The following RASAL2 variants were observed in gnomAD, a reference collection of about 807,000 sequenced individuals.
The protein encoded by RASAL2 is RAS protein activator like 2.
Under a neutral mutation model 128.9 loss-of-function variants are expected in RASAL2, and 58 were observed. The ratio of observed to expected loss-of-function variants is 0.45; its 90% confidence interval spans 0.36 to 0.56. The LOEUF is 0.56. Ranked by LOEUF, RASAL2 falls within the 20% of genes least tolerant of loss-of-function variation. The pLI is 0.00. For missense variants in RASAL2, 1,360 were observed against 1,601.6 expected, an observed-to-expected ratio of 0.85 and a Z score of 2.57; for synonymous variants, 561 against 580.8, an observed-to-expected ratio of 0.97 and a Z score of 0.49.
At chr1:178,364,394 C>G (rs1446123573) in intron 3 of RASAL2, among the ~76,000 whole-genome samples, 1 of 152,170 alleles carries the variant, frequency 6.6e-6, no homozygotes, top group Non-Finnish European at 1.5e-5. Context: ...TTCATCACTT[C>G]TCTAAACCTT....
At chr1:178,098,528 A>G (rs1244553086) in intron 1 of RASAL2, among the ~76,000 whole-genome samples, 1 of 152,146 alleles carries the variant, frequency 6.6e-6, no homozygotes, top group Non-Finnish European at 1.5e-5. Context: ...CCATGAATGG[A>G]TGGGGAGTGT....
chr1:178,473,453 GA>G lies in RASAL2; in HGVS notation c.*216del. The G allele has an allele frequency of 1.7e-6, 1 of 595,174 alleles. No individual in the cohort carries two copies. The highest frequency in any genetic ancestry group is 2.9e-6 in the Non-Finnish European group (1 of 340,630). The allele number at this position is 595,174 out of a possible 1,614,324, so 36.9% of individuals were successfully genotyped here. A position where few individuals can be genotyped will look rare whatever the true frequency, so the allele number is the denominator to read the frequency against. On this transcript the variant is annotated 3_prime_UTR_variant, in exon 18 of 18. Coordinates refer to ENST00000367649, the MANE Select transcript of RASAL2 (RefSeq NM_170692.4). ...TCCCCCACATCTCTATGTACATAGGGAACTTAGTTCTGGGCCATGTACAGAA... is the reference window on the plus strand; with the variant it reads ...TCCCCCACATCTCTATGTACATAGGGACTTAGTTCTGGGCCATGTACAGAA...
intron 1 of RASAL2, among the ~76,000 whole-genome samples, chr1:178,178,329 C>T (rs1304169933): frequency 1.3e-5 from 2 of 152,022 alleles, no homozygotes; most frequent in Non-Finnish European, 2.9e-5. Flanking sequence ...GAAGACCTCA[C>T]ATTCATTTAT....
intron 3 of RASAL2, among the ~76,000 whole-genome samples, chr1:178,387,724 A>G (rs1041689764): frequency 2.0e-5 from 3 of 152,158 alleles, no homozygotes; most frequent in Non-Finnish European, 4.4e-5. Context: ...TTATGGCTGC[A>G]TAGTATCCCA....
intron 1 of RASAL2, among the ~76,000 whole-genome samples, chr1:178,158,718 T>C (rs578151161): frequency 6.6e-6 from 1 of 152,340 alleles, no homozygotes; most frequent in South Asian, 2.1e-4. Flanking sequence ...TATTTTGATC[T>C]CTCATGTTTT....
chr1:178,468,686 A>G (rs1431201476), intron 17 of RASAL2, among the ~76,000 whole-genome samples: 5 of 152,230 alleles, frequency 3.3e-5, no homozygotes, highest in Non-Finnish European at 5.9e-5. Flanking sequence ...GAGAATCAGA[A>G]GAAAGGTCTG....
intron 1 of RASAL2, among the ~76,000 whole-genome samples, chr1:178,121,648 G>A (rs145120111): frequency 2.0e-5 from 3 of 152,128 alleles, no homozygotes; most frequent in African/African-American, 7.2e-5. Context: ...ACCATGCCTG[G>A]CTAAGTTTTA....
At chr1:178,467,504 G>A in intron 17 of RASAL2, 83 bp downstream of exon 17, 1 of 1,177,802 alleles carries the variant, frequency 8.5e-7, no homozygotes, top group East Asian at 2.4e-5. Flanking sequence ...AAATGCCAAG[G>A]CAGGTACCCA....
chr1:178,318,735 G>C (rs934049589), intron 3 of RASAL2, among the ~76,000 whole-genome samples: 3 of 152,082 alleles, frequency 2.0e-5, no homozygotes, highest in African/African-American at 7.2e-5. Flanking sequence ...GATGGATCTT[G>C]ACTCTTTATC....
At chr1:178,221,538 T>C (rs1663613952) in intron 1 of RASAL2, among the ~76,000 whole-genome samples, 1 of 152,228 alleles carries the variant, frequency 6.6e-6, no homozygotes, top group South Asian at 2.1e-4. Flanking sequence ...TGAAAGTGTG[T>C]TGCTTTATCT....
intron 2 of RASAL2, among the ~76,000 whole-genome samples, chr1:178,284,894 G>C (rs1666945518): frequency 6.6e-6 from 1 of 151,988 alleles, no homozygotes. Flanking sequence ...CTTCCAGAAA[G>C]GTGAGTTCAA....
intron 1 of RASAL2, among the ~76,000 whole-genome samples, chr1:178,279,617 A>G (rs1666687034): frequency 6.6e-6 from 1 of 152,142 alleles, no homozygotes; most frequent in African/African-American, 2.4e-5. Context: ...GATAGTTTAA[A>G]ACTATTTTTT....
At chr1:178,307,253 A>G (rs1557891113) in intron 3 of RASAL2, among the ~76,000 whole-genome samples, 2 of 152,042 alleles carry the variant, frequency 1.3e-5, no homozygotes, top group African/African-American at 4.8e-5. Flanking sequence ...AAATATTTTT[A>G]AATAAAATAT....
chr1:178,334,849 T>C (rs572169020), intron 3 of RASAL2, among the ~76,000 whole-genome samples: 2 of 152,096 alleles, frequency 1.3e-5, no homozygotes, highest in South Asian at 4.2e-4. Context: ...TCCCAGCTAC[T>C]AGGGAGGCTG....
At chr1:178,174,857 C>T (rs1164010140) in intron 1 of RASAL2, among the ~76,000 whole-genome samples, 1 of 152,132 alleles carries the variant, frequency 6.6e-6, no homozygotes, top group African/African-American at 2.4e-5. Context: ...AAATAATCAT[C>T]CTTGCCAGAT....
intron 1 of RASAL2, among the ~76,000 whole-genome samples, chr1:178,170,176 C>T (rs1191018733): frequency 6.6e-6 from 1 of 151,812 alleles, no homozygotes; most frequent in East Asian, 1.9e-4. Flanking sequence ...GGATTCTTGA[C>T]CTGCATTTAT....
In RASAL2 at chr1:178,173,599, G is replaced by A. The variant is rs560114246; in HGVS notation, c.202+78905G>A. 3.3e-5 allele frequency among the ~76,000 whole-genome samples: 5 copies of A among 152,160 alleles called. No individual in the cohort carries two copies. In the South Asian group the frequency reaches 1.0e-3, roughly 32 times the overall value. On this transcript the variant is annotated intron_variant, in intron 1 of 17. Transcript: ENST00000367649. ...TCTGTAAAGAAGTGCCTAAGGTCAT[G>A]ATGGAGTCTAACAGGTATGGAAGGA...
chr1:178,162,803 G>T (rs911077542), intron 1 of RASAL2, among the ~76,000 whole-genome samples: 1 of 151,410 alleles, frequency 6.6e-6, no homozygotes, highest in Admixed American at 6.6e-5. Context: ...GGCCAGGCAG[G>T]TCTTGAACTC....
intron 1 of RASAL2, among the ~76,000 whole-genome samples, chr1:178,165,237 A>G (rs1180838304): frequency 6.6e-6 from 1 of 152,148 alleles, no homozygotes; most frequent in Non-Finnish European, 1.5e-5. Flanking sequence ...ATGTGTATAT[A>G]TGTCTATAGT....
Sources: allele counts gnomAD v4.1 joint callset (sites outside exome capture counted in the v4.1 genomes callset), GRCh38; gene constraint gnomAD v4.1.1; transcripts MANE v1.5; gene names NCBI Gene and HGNC (gene_info 2026-07-23, HGNC 2026-07-21).